TTLL4: variants seen among roughly 807,000 people sequenced by gnomAD.
The protein encoded by TTLL4 is tubulin tyrosine ligase like 4.
TTLL4 carries 85 observed loss-of-function variants against 122.7 expected under a neutral mutation model. The ratio of observed to expected loss-of-function variants is 0.69; its 90% CI spans 0.58 to 0.83. TTLL4 has a LOEUF of 0.83. Among genes scored for constraint, TTLL4 ranks in the 40% least tolerant of loss-of-function variants. The probability of loss-of-function intolerance (pLI) is 0.00; values close to 1 mark genes in which losing one functional copy is unlikely to be tolerated. For synonymous variants in TTLL4, 553 were observed against 563.0 expected (o/e 0.98, Z 0.25); for missense variants, 1,363 against 1,488.6 (o/e 0.92, Z 1.39).
At chr2:218,732,137 G>A (rs1942399048) in intron 2 of TTLL4, among the ~76,000 whole-genome samples, 1 of 152,212 alleles carries the variant, frequency 6.6e-6, no homozygotes, top group Admixed American at 6.5e-5. Context: ...GTAACAGAGA[G>A]TAAGTATGAA....
chr2:218,722,387 T>C (rs1942071243), intron 1 of TTLL4, among the ~76,000 whole-genome samples: 2 of 150,440 alleles, frequency 1.3e-5, no homozygotes, highest in African/African-American at 4.9e-5. Context: ...TGTAAGGAAA[T>C]ATAAATATAT....
Position 218,740,131 on chromosome 2 carries a change from G to A in TTLL4, c.1561G>A (p.Asp521Asn). Residue 521 changes from aspartate (D) to asparagine (N), a missense_variant, in exon 4 of 20, where the codon GAC becomes AAC. This residue lies in a region of TTLL4 where 760 missense variants were observed against 808.4 expected (regional missense o/e 0.94). Transcript: ENST00000392102. ...AGAAGAACTAGTAGATGGTTTGGAA[G>A]ACTGTTGTAGCCGTGATGAGAATGA... ...TEEELVDGLE[D>N]CCSRDENEEE... The A allele has an allele frequency of 6.2e-7, 1 of 1,614,226 alleles. No individual in the cohort carries two copies. Among genetic ancestry groups the A allele is most frequent in the East Asian group, 2.2e-5 (1 of 44,890 alleles).
downstream of TTLL4, among the ~76,000 whole-genome samples, chr2:218,759,696 A>G (rs1943203919): frequency 6.6e-6 from 1 of 152,220 alleles, no homozygotes; most frequent in East Asian, 1.9e-4. Flanking sequence ...TATTGTATGT[A>G]AGTAAATAAA....
At chr2:218,731,867 C>T (rs1026689809) in intron 2 of TTLL4, among the ~76,000 whole-genome samples, 5 of 152,216 alleles carry the variant, frequency 3.3e-5, no homozygotes, top group Non-Finnish European at 7.3e-5. Flanking sequence ...AGGAATTTAG[C>T]TACAGAAATA....
intron 6 of TTLL4, chr2:218,745,446 T>C (rs1942814966): frequency 1.5e-6 from 1 of 664,570 alleles, no homozygotes; most frequent in African/African-American, 1.8e-5. Context: ...TGCCATGTCA[T>C]GCTGAGTTCA....
chr2:218,737,820 A>T lies in TTLL4; in HGVS notation c.144A>T (p.Gln48His), dbSNP rs1271630240. The change falls in exon 3 of 20, where the codon CAA becomes CAT. Residue 48 changes from glutamine to histidine, a missense_variant. Physicochemically the swap from Gln to His is conservative, Grantham distance 24. Around this residue, in one of 3 missense-constraint regions of TTLL4, gnomAD observed 760 missense variants for 808.4 expected, o/e 0.94. Coordinates refer to ENST00000392102, the MANE Select transcript of TTLL4 (RefSeq NM_014640.5). ...GAGTCTGGCCTCAGGCCCATCAGCAAGTGAAGCCAATCTGGAAGCTGGAAA... is the reference window on the plus strand; with the variant it reads ...GAGTCTGGCCTCAGGCCCATCAGCATGTGAAGCCAATCTGGAAGCTGGAAA... ...EGRVWPQAHQQVKPIWKLEKK... is the reference protein window; with the variant it reads ...EGRVWPQAHQHVKPIWKLEKK... 1 of 1,614,154 alleles carries T rather than the reference A, an allele frequency of 6.2e-7. No individual in the cohort carries two copies. The highest frequency in any genetic ancestry group is 1.3e-5 in the African/African-American group (1 of 74,954).
intron 5 of TTLL4, among the ~76,000 whole-genome samples, chr2:218,741,286 A>C (rs1210343793): frequency 6.6e-6 from 1 of 152,184 alleles, no homozygotes; most frequent in African/African-American, 2.4e-5. Flanking sequence ...TGGCCTCCCA[A>C]AGTGCTCGGA....
chr2:218,746,870 GGGTGGTGATA>G (rs1335864666), intron 8 of TTLL4, 123 bp from the exon 9 acceptor site: 7 of 910,292 alleles, frequency 7.7e-6, no homozygotes, highest in Middle Eastern at 3.4e-4. Flanking sequence ...AGGACCATTA[GGGTGGTGATA>G]GTAAGATGGA....
intron 3 of TTLL4, 23 bp from the exon 4 acceptor site, chr2:218,740,035 G>A (rs1942653635): frequency 3.1e-6 from 5 of 1,606,504 alleles, no homozygotes; most frequent in African/African-American, 1.3e-5. Context: ...TGACTAGGCT[G>A]GGGGCATGAT....
intron 2 of TTLL4, chr2:218,736,526 A>G (rs1942527848): frequency 6.6e-6 from 1 of 152,232 alleles, no homozygotes; most frequent in African/African-American, 2.4e-5. Context: ...GAGTAAAGAA[A>G]GCTTCTGTCC....
At chr2:218,713,171 G>A (rs1215009546) in intron 1 of TTLL4, among the ~76,000 whole-genome samples, 2 of 152,100 alleles carry the variant, frequency 1.3e-5, no homozygotes, top group Non-Finnish European at 2.9e-5. Context: ...TTGAGACCCA[G>A]GAATTCGAGA....
At chr2:218,735,529 G>A (rs765727932) in intron 2 of TTLL4, among the ~76,000 whole-genome samples, 4 of 152,174 alleles carry the variant, frequency 2.6e-5, no homozygotes, top group Admixed American at 6.5e-5. Flanking sequence ...AGCCATGTTT[G>A]TGCCACTGCA....
chr2:218,719,865 G>A (rs1001978444), intron 1 of TTLL4, among the ~76,000 whole-genome samples: 9 of 152,216 alleles, frequency 5.9e-5, no homozygotes, highest in African/African-American at 2.2e-4. Flanking sequence ...GGTGGAATTA[G>A]GAAGGGCACA....
Position 218,747,297 on chromosome 2 carries a change from C to T in TTLL4, c.2174C>T (p.Ser725Leu), listed in dbSNP as rs1309223486. 3 of 1,614,226 alleles carry T rather than the reference C, an allele frequency of 1.9e-6. No homozygotes were observed. Among genetic ancestry groups the T allele is most frequent in the Non-Finnish European group, 2.5e-6 (3 of 1,180,042 alleles). The change falls in exon 10 of 20, where the codon TCA becomes TTA. Residue 725 changes from serine to leucine, a missense_variant. By Grantham distance (145) the Ser-to-Leu change is moderately radical. Transcript: ENST00000392102. The surrounding 1 kb of genome is among the most constrained non-coding windows in gnomAD (Gnocchi z 4.7). ...RQKWIVKPPA[S>L]ARGIGIQVIH... ...TCTCCTTTCTGCTCCTAGCCAGCAT[C>T]AGCTCGAGGCATTGGCATCCAGGTT...
At chr2:218,727,747 AAAAAAAACAAAC>A (rs953095035) in intron 2 of TTLL4, among the ~76,000 whole-genome samples, 10 of 152,106 alleles carry the variant, frequency 6.6e-5, no homozygotes, top group African/African-American at 2.4e-4. Flanking sequence ...CTCTGTCTCA[AAAAAAAACAAAC>A]AAAAAAACCC....
In TTLL4 at chr2:218,747,175, A is replaced by G. The variant is rs763589246; in HGVS notation, c.2147A>G (p.Gln716Arg). The G allele has an allele frequency of 5.0e-6, 8 of 1,614,194 alleles. No individual in the cohort carries two copies. The South Asian group carries it at 5.5e-5, about 11-fold the overall frequency. ...AAAGCGTGGGAGAGCAGCAGCCGCCAAAAGTGGATTGTGAAGCCAGTGAGT... is the reference window on the plus strand; with the variant it reads ...AAAGCGTGGGAGAGCAGCAGCCGCCGAAAGTGGATTGTGAAGCCAGTGAGT... The part of the protein sequence containing the change: ...LRKAWESSSR[Q>R]KWIVKPPASA... The change falls in exon 9 of 20, where the codon CAA becomes CGA. Residue 716 changes from glutamine (Q) to arginine (R), a missense_variant. Gln to Arg is a conservative substitution (Grantham distance 43). Coordinates refer to ENST00000392102, the MANE Select transcript of TTLL4 (RefSeq NM_014640.5). This position sits in a 1 kb window ranked among gnomAD's most constrained non-coding sequence, Gnocchi z 4.7.
At chr2:218,751,963 A>G (rs1238813869) in intron 16 of TTLL4, among the ~76,000 whole-genome samples, 157 bp downstream of exon 16, 1 of 137,138 alleles carries the variant, frequency 7.3e-6, no homozygotes, top group Non-Finnish European at 1.5e-5. Flanking sequence ...GCTGGAGTGC[A>G]ATGGTGCGAT....
At chr2:218,712,034 G>T (rs1941724832) in intron 1 of TTLL4, among the ~76,000 whole-genome samples, 1 of 151,806 alleles carries the variant, frequency 6.6e-6, no homozygotes, top group Non-Finnish European at 1.5e-5. Context: ...TACTTATATT[G>T]GACTGAATCA....
rs547226440 is a variant in TTLL4 at position 218,747,679 on chromosome 2, C to T, written c.2332C>T (p.Arg778Trp). 1.1e-5 allele frequency: 17 copies of T among 1,614,082 alleles called. No individual in the cohort carries two copies. Among genetic ancestry groups the T allele is most frequent in the Non-Finnish European group, 1.4e-5 (16 of 1,180,044 alleles). The change falls in exon 11 of 20, where the codon CGG (arginine) becomes TGG (tryptophan). Residue 778 changes from arginine to tryptophan, a missense_variant. By Grantham distance (101) the Arg-to-Trp change is moderately radical. Around this residue, in one of 3 missense-constraint regions of TTLL4, gnomAD observed 596 missense variants for 655.8 expected, o/e 0.91. Transcript: ENST00000392102. The surrounding 1 kb of genome is among the most constrained non-coding windows in gnomAD (Gnocchi z 4.7). ...YVYVTSYDPL[R>W]IYLFSDGLVR... ...TTATGTCACTTCCTACGATCCTCTG[C>T]GGATTTACCTCTTTTCAGATGGACT...
Sources: gnomAD v4.1 joint callset for allele counts (sites outside exome capture counted in the v4.1 genomes callset) on GRCh38, gnomAD v4.1.1 for gene constraint, gnomAD v4.1.1 regional missense constraint, Gnocchi (gnomAD v3.1) non-coding constraint, MANE v1.5 for transcripts, NCBI Gene and HGNC (gene_info 2026-07-23, HGNC 2026-07-21) for gene names.